UNC5C: variants seen among roughly 807,000 people sequenced by gnomAD.
The protein encoded by UNC5C is netrin receptor UNC5C.
A neutral mutation model predicts 99.8 loss-of-function variants in UNC5C; 47 were observed. The observed-to-expected ratio is 0.47, with a 90% CI of 0.37 to 0.60. UNC5C has a LOEUF of 0.60. UNC5C is among the 20% of genes least tolerant of loss of function. The probability of loss-of-function intolerance (pLI) is 0.00; values close to 1 mark genes in which losing one functional copy is unlikely to be tolerated. For synonymous variants in UNC5C, 487 were observed against 452.2 expected, an observed-to-expected ratio of 1.08 and a Z score of -0.98; for missense variants, 1,062 against 1,165.9, an observed-to-expected ratio of 0.91 and a Z score of 1.30.
chr4:95,220,131 A>G lies in UNC5C; in HGVS notation c.1154T>C (p.Ile385Thr), dbSNP rs780804804. ...GATCGCCAGGCAAACGATCACTGCTATCACAATCCCAACATAGAGAGCAAC... is the reference window on the plus strand; with the variant it reads ...GATCGCCAGGCAAACGATCACTGCTGTCACAATCCCAACATAGAGAGCAAC... ...DDVALYVGIVIAVIVCLAISV... is the reference protein window; with the variant it reads ...DDVALYVGIVTAVIVCLAISV... Residue 385 changes from isoleucine (I) to threonine (T), a missense_variant, in exon 8 of 16, where the codon ATA becomes ACA. Physicochemically the swap from Ile to Thr is moderately conservative, Grantham distance 89. Around this residue, in one of 3 missense-constraint regions of UNC5C, gnomAD observed 810 missense variants for 854.5 expected, o/e 0.95. Transcript: ENST00000453304. 6.3e-5 allele frequency: 101 copies of G among 1,614,104 alleles called. No individual in the cohort carries two copies. The highest frequency in any genetic ancestry group is 7.5e-5 in the Non-Finnish European group (89 of 1,179,980).
chr4:95,282,443 A>T (rs28521922), intron 3 of UNC5C, among the ~76,000 whole-genome samples: 5 of 152,016 alleles, frequency 3.3e-5, no homozygotes, highest in African/African-American at 7.2e-5. Flanking sequence ...AGTTCTCCTT[A>T]GCCCTCTGAA....
intron 1 of UNC5C, among the ~76,000 whole-genome samples, chr4:95,341,713 A>G (rs1214638077): frequency 1.3e-5 from 2 of 152,120 alleles, no homozygotes; most frequent in African/African-American, 4.8e-5. Flanking sequence ...GAGTGATCAC[A>G]GTACCTGGTT....
At position 95,206,755 on chromosome 4, in the gene UNC5C, A is replaced by G. The variant is rs1737893013; in HGVS notation, c.1775T>C (p.Val592Ala). 6.2e-7 allele frequency: 1 copy of G among 1,613,042 alleles called. No individual in the cohort carries two copies. The highest frequency in any genetic ancestry group is 1.3e-5 in the African/African-American group (1 of 74,858). ...DDSQTLLTPV[V>A]SCGPPGALLT... Reference sequence around the variant, plus strand: ...CAGAGCTCCTGGGGGCCCACAGCTCACCACAGGGGTCAAAAGTGTCTGAGA... The same window carrying G: ...CAGAGCTCCTGGGGGCCCACAGCTCGCCACAGGGGTCAAAAGTGTCTGAGA... The change falls in exon 11 of 16, where the codon GTG (valine) becomes GCG (alanine). Residue 592 changes from valine to alanine, a missense_variant. Around this residue, in one of 3 missense-constraint regions of UNC5C, gnomAD observed 810 missense variants for 854.5 expected, o/e 0.95. Transcript: ENST00000453304.
intron 1 of UNC5C, among the ~76,000 whole-genome samples, chr4:95,428,197 T>C (rs1028695095): frequency 1.3e-5 from 2 of 152,006 alleles, no homozygotes; most frequent in East Asian, 1.9e-4. Context: ...TGTCCATGCA[T>C]CCTAGGGCAG....
At chr4:95,174,421 C>T (rs1736251180) in intron 14 of UNC5C, among the ~76,000 whole-genome samples, 1 of 152,074 alleles carries the variant, frequency 6.6e-6, no homozygotes, top group South Asian at 2.1e-4. Flanking sequence ...TGAATGGGTC[C>T]CAGAGATTCT....
chr4:95,228,075 A>G (rs1036613886), intron 7 of UNC5C, among the ~76,000 whole-genome samples: 2 of 152,200 alleles, frequency 1.3e-5, no homozygotes, highest in Non-Finnish European at 2.9e-5. Flanking sequence ...ACACTGAAGG[A>G]AGTAATATCA....
At chr4:95,533,457 G>A (rs546546562) in intron 1 of UNC5C, among the ~76,000 whole-genome samples, 1 of 151,602 alleles carries the variant, frequency 6.6e-6, no homozygotes, top group Admixed American at 6.6e-5. Context: ...TATTTTAAAT[G>A]ATAAAATAAT....
intron 1 of UNC5C, among the ~76,000 whole-genome samples, chr4:95,513,861 T>C (rs933311153): frequency 2.0e-5 from 3 of 152,214 alleles, no homozygotes; most frequent in African/African-American, 7.2e-5. Flanking sequence ...GGGAAATTCA[T>C]TTGTTTTGCG....
chr4:95,306,528 GTTTA>G (rs1190913839), intron 2 of UNC5C, among the ~76,000 whole-genome samples: 1 of 151,920 alleles, frequency 6.6e-6, no homozygotes, highest in East Asian at 1.9e-4. Context: ...AACATATCTT[GTTTA>G]TTAGGTGACA....
chr4:95,351,221 C>A (rs1743975867), intron 1 of UNC5C, among the ~76,000 whole-genome samples: 1 of 152,056 alleles, frequency 6.6e-6, no homozygotes. Flanking sequence ...CACTTTTCTT[C>A]CCCATGAGAT....
chr4:95,170,845 T>C (rs1445416548), intron 14 of UNC5C, among the ~76,000 whole-genome samples: 1 of 152,236 alleles, frequency 6.6e-6, no homozygotes, highest in Non-Finnish European at 1.5e-5. Flanking sequence ...AGTTCTGCTT[T>C]TGTTGAATGA....
chr4:95,492,520 G>C (rs1204954067), intron 1 of UNC5C, among the ~76,000 whole-genome samples: 2 of 151,102 alleles, frequency 1.3e-5, no homozygotes, highest in Non-Finnish European at 3.0e-5. Flanking sequence ...ATACTAGATA[G>C]CTTAAAGGTT....
chr4:95,477,534 T>G (rs1720966267), intron 1 of UNC5C, among the ~76,000 whole-genome samples: 1 of 152,050 alleles, frequency 6.6e-6, no homozygotes, highest in Admixed American at 6.6e-5. Context: ...ACAGAATTTT[T>G]CCTACATGAG....
intron 1 of UNC5C, among the ~76,000 whole-genome samples, chr4:95,465,637 G>A (rs191380063): frequency 1.8e-4 from 27 of 152,100 alleles, no homozygotes; most frequent in African/African-American, 2.4e-4. Context: ...TATGGGGTGC[G>A]TAAAAATGAA....
At position 95,279,992 on chromosome 4, in the gene UNC5C, C is replaced by T. The variant is rs138225327; in HGVS notation, c.491-1630G>A. ...GTAGTTCACATAGGGTTCATGCTCC[C>T]GTGAGAATCTAATGCCACCACTGAT... On this transcript the variant is annotated intron_variant, in intron 3 of 15. Transcript: ENST00000453304. Among the ~76,000 whole-genome samples, 398 of 152,178 alleles carry T rather than the reference C, an allele frequency of 2.6e-3. 1 individual carries two copies. The highest frequency in any genetic ancestry group is 0.017 in the Middle Eastern group (5 of 294).
At chr4:95,322,069 C>A (rs763294513) in intron 2 of UNC5C, among the ~76,000 whole-genome samples, 4 of 152,168 alleles carry the variant, frequency 2.6e-5, no homozygotes, top group Non-Finnish European at 4.4e-5. Context: ...CTTGCCAAGG[C>A]AATACTCCCA....
intron 1 of UNC5C, among the ~76,000 whole-genome samples, chr4:95,464,556 G>A (rs553184923): frequency 6.6e-6 from 1 of 152,188 alleles, no homozygotes; most frequent in South Asian, 2.1e-4. Context: ...CATAATCACA[G>A]GGATTTATGC....
intron 3 of UNC5C, among the ~76,000 whole-genome samples, chr4:95,279,302 C>G (rs6812119): frequency 6.6e-6 from 1 of 151,936 alleles, no homozygotes; most frequent in Non-Finnish European, 1.5e-5. Flanking sequence ...TTTCTGCTCA[C>G]ATATCCCAGG....
At chr4:95,318,182 G>A (rs1026144891) in intron 2 of UNC5C, among the ~76,000 whole-genome samples, 2 of 152,102 alleles carry the variant, frequency 1.3e-5, no homozygotes, top group Admixed American at 6.5e-5. Flanking sequence ...TTATCCAGGT[G>A]AGCCCAGAAT....
Sources: gnomAD v4.1 joint callset for allele counts (sites outside exome capture counted in the v4.1 genomes callset) on GRCh38, gnomAD v4.1.1 for gene constraint, gnomAD v4.1.1 regional missense constraint, MANE v1.5 for transcripts, NCBI Gene and HGNC (gene_info 2026-07-23, HGNC 2026-07-21) for gene names.